UNC13C: variants seen among roughly 807,000 people sequenced by gnomAD.
UNC13C encodes the protein protein unc-13 homolog C.
Under a neutral mutation model 245.4 loss-of-function variants are expected in UNC13C, and 174 were observed. That is an observed-to-expected ratio of 0.71 (90% CI 0.63 to 0.80). The LOEUF (loss-of-function observed/expected upper bound fraction) is 0.80. Ranked by LOEUF, UNC13C falls within the 30% of genes least tolerant of loss-of-function variation. The pLI is 0.00. For synonymous variants in UNC13C, 992 were observed against 895.1 expected (o/e 1.11, Z -1.93); for missense variants, 2,829 against 2,602.9 (o/e 1.09, Z -1.89).
downstream of UNC13C, chr15:54,632,486 A>G (rs1482317708): frequency 6.6e-6 from 1 of 152,208 alleles, no homozygotes; most frequent in Non-Finnish European, 1.5e-5. Flanking sequence ...AATTTGGCCT[A>G]TGAACCGTTT....
chr15:53,870,689 A>C, the UNC13C span, among the ~76,000 whole-genome samples: 1 of 152,124 alleles, frequency 6.6e-6, no homozygotes, highest in Non-Finnish European at 1.5e-5. Flanking sequence ...TCAGCACTTC[A>C]TGTACTTTAG....
chr15:53,890,581 G>T, the UNC13C span, among the ~76,000 whole-genome samples: 2 of 152,326 alleles, frequency 1.3e-5, no homozygotes, highest in East Asian at 1.9e-4. Context: ...CTTCTTCCTG[G>T]TTTAGACTTG....
chr15:54,568,001 T>G, intron 30 of UNC13C, 54 bp downstream of exon 30: 1 of 1,312,000 alleles, frequency 7.6e-7, no homozygotes, highest in Non-Finnish European at 1.0e-6. Flanking sequence ...AAAATAAAAT[T>G]TAACATCAGA....
chr15:54,526,391 T>C (rs1421522260), intron 25 of UNC13C, among the ~76,000 whole-genome samples: 3 of 152,204 alleles, frequency 2.0e-5, no homozygotes, highest in African/African-American at 7.2e-5. Context: ...AAATAACTGA[T>C]GTATTATTTT....
chr15:54,194,930 G>A (rs2034303144), intron 4 of UNC13C, among the ~76,000 whole-genome samples: 1 of 152,110 alleles, frequency 6.6e-6, no homozygotes, highest in Admixed American at 6.6e-5. Flanking sequence ...AACAGGAAAG[G>A]ATCAAAGAAT....
the UNC13C span, among the ~76,000 whole-genome samples, chr15:53,869,104 TA>T: frequency 4.6e-5 from 7 of 151,884 alleles, no homozygotes; most frequent in South Asian, 2.1e-4. Context: ...GACCCTGTCT[TA>T]AAAAAAAGTC....
chr15:54,457,024 T>C (rs1395911370), intron 19 of UNC13C, among the ~76,000 whole-genome samples: 1 of 152,162 alleles, frequency 6.6e-6, no homozygotes, highest in African/African-American at 2.4e-5. Context: ...TTGTCATAGA[T>C]GGTTTTTATT....
chr15:54,127,470 C>T (rs147082916), intron 2 of UNC13C, among the ~76,000 whole-genome samples: 4 of 152,080 alleles, frequency 2.6e-5, no homozygotes, highest in Admixed American at 1.3e-4. Context: ...AAACCAAACA[C>T]CGCATGTTCT....
At chr15:53,852,410 C>T in the UNC13C span, among the ~76,000 whole-genome samples, 17 of 152,166 alleles carry the variant, frequency 1.1e-4, no homozygotes, top group Non-Finnish European at 2.1e-4. Flanking sequence ...CGGTTTTCTA[C>T]AATTACTCCT....
At chr15:53,929,859 T>C in the UNC13C span, among the ~76,000 whole-genome samples, 1 of 152,166 alleles carries the variant, frequency 6.6e-6, no homozygotes, top group African/African-American at 2.4e-5. Context: ...AGAATTCCTA[T>C]GAGAATAATA....
At chr15:54,344,961 T>C (rs2038826586) in intron 17 of UNC13C, among the ~76,000 whole-genome samples, 2 of 139,070 alleles carry the variant, frequency 1.4e-5, no homozygotes, top group South Asian at 4.4e-4. Context: ...AATTATTTTT[T>C]AAAAAAGGAA....
Position 54,333,804 on chromosome 15 carries a change from A to G in UNC13C, c.4532A>G (p.Asp1511Gly). ...FPASNTERLQDLKSTVDLLTS... is the reference protein window; with the variant it reads ...FPASNTERLQGLKSTVDLLTS... ...GCAAGCAATACTGAAAGACTGCAAG[A>G]CCTGAAATCAACTGTTGACCTGTTA... Residue 1511 changes from aspartate (D) to glycine (G), a missense_variant, in exon 16 of 33, where the codon GAC (aspartate) becomes GGC (glycine). Physicochemically the swap from Asp to Gly is moderately conservative, Grantham distance 94. Coordinates refer to ENST00000260323, the MANE Select transcript of UNC13C (RefSeq NM_001080534.3). 6.2e-7 allele frequency: 1 copy of G among 1,607,134 alleles called. No homozygotes were observed. The highest frequency in any genetic ancestry group is 8.5e-7 in the Non-Finnish European group (1 of 1,176,338).
At chr15:53,852,152 C>T in the UNC13C span, among the ~76,000 whole-genome samples, 2 of 152,068 alleles carry the variant, frequency 1.3e-5, no homozygotes, top group African/African-American at 4.8e-5. Context: ...TGACATTTTT[C>T]CCAGGAAGAT....
chr15:54,209,197 G>A (rs761629775), intron 4 of UNC13C, among the ~76,000 whole-genome samples: 10 of 152,228 alleles, frequency 6.6e-5, no homozygotes, highest in Middle Eastern at 3.4e-3. Context: ...CTGGAAGCAC[G>A]ATGGGGTAAA....
the UNC13C span, among the ~76,000 whole-genome samples, chr15:53,901,223 T>C: frequency 1.0e-4 from 15 of 146,686 alleles, no homozygotes; most frequent in Admixed American, 2.0e-4. Flanking sequence ...GATTTCTTTT[T>C]TTTTTTTTTT....
chr15:54,209,200 G>C (rs1211397142), intron 4 of UNC13C, among the ~76,000 whole-genome samples: 1 of 152,082 alleles, frequency 6.6e-6, no homozygotes, highest in Admixed American at 6.6e-5. Flanking sequence ...GAAGCACGAT[G>C]GGGTAAATGT....
At chr15:54,226,133 A>G (rs2035374173) in intron 4 of UNC13C, among the ~76,000 whole-genome samples, 1 of 152,170 alleles carries the variant, frequency 6.6e-6, no homozygotes, top group Non-Finnish European at 1.5e-5. Flanking sequence ...TGTTAAACCA[A>G]CTTTGCATTT....
chr15:54,444,153 T>G (rs1477421861), intron 19 of UNC13C, among the ~76,000 whole-genome samples: 1 of 151,884 alleles, frequency 6.6e-6, no homozygotes, highest in Non-Finnish European at 1.5e-5. Flanking sequence ...ATAATCTTCT[T>G]TGTTTCTTTT....
At chr15:54,295,452 C>T (rs1002145116) in intron 11 of UNC13C, among the ~76,000 whole-genome samples, 11 of 152,030 alleles carry the variant, frequency 7.2e-5, no homozygotes, top group African/African-American at 2.4e-4. Context: ...AGTTTGAGTT[C>T]AGACTGGACA....
Sources: gnomAD v4.1 joint callset for allele counts (sites outside exome capture counted in the v4.1 genomes callset) on GRCh38, gnomAD v4.1.1 for gene constraint, MANE v1.5 for transcripts, NCBI Gene and HGNC (gene_info 2026-07-23, HGNC 2026-07-21) for gene names.